SAV1: variants seen among roughly 807,000 people sequenced by gnomAD.
The protein encoded by SAV1 is protein salvador homolog 1.
A neutral mutation model predicts 47.3 loss-of-function variants in SAV1; 23 were observed. The ratio of observed to expected loss-of-function variants is 0.49; its 90% CI spans 0.35 to 0.69. The LOEUF (loss-of-function observed/expected upper bound fraction) is 0.69. SAV1 is among the 30% of genes least tolerant of loss of function. The pLI, the probability that SAV1 is intolerant of heterozygous loss-of-function variation, is 0.01. For missense variants in SAV1, 448 were observed against 457.4 expected (o/e 0.98, Z 0.19); for synonymous variants, 155 against 159.2 (o/e 0.97, Z 0.20).
chr14:50,637,663 A>ATTTTTTTTTTT (rs771403561), intron 4 of SAV1: 3 of 128,774 alleles, frequency 2.3e-5, no homozygotes, highest in African/African-American at 6.8e-5. Flanking sequence ...CAATTTTGTC[A>ATTTTTTTTTTT]GTTTTTTTTT....
At chr14:50,660,324 C>G (rs544132376) in intron 2 of SAV1, among the ~76,000 whole-genome samples, 1 of 152,344 alleles carries the variant, frequency 6.6e-6, no homozygotes, top group Non-Finnish European at 1.5e-5. Context: ...CTTCTCCAGT[C>G]TTGGCGGTGA....
chr14:50,667,433 C>G (rs1454776837), intron 1 of SAV1: 1 of 456,468 alleles, frequency 2.2e-6, no homozygotes, highest in Admixed American at 2.3e-5. Flanking sequence ...CCCCAGAGTT[C>G]GCACAACTTG....
chr14:50,641,510 C>T (rs975694295), intron 3 of SAV1, among the ~76,000 whole-genome samples: 10 of 152,014 alleles, frequency 6.6e-5, no homozygotes, highest in African/African-American at 2.2e-4. Context: ...TAGCTGAACT[C>T]GAAGCGGCCA....
intron 1 of SAV1, 27 bp from the exon 2 acceptor site, chr14:50,665,646 C>T: frequency 1.3e-6 from 2 of 1,524,120 alleles, no homozygotes; most frequent in South Asian, 1.3e-5. Flanking sequence ...GATAAAATTA[C>T]CCTTTCATCA....
intron 1 of SAV1, chr14:50,667,395 C>T: frequency 2.2e-6 from 1 of 455,870 alleles, no homozygotes; most frequent in South Asian, 1.5e-5. Flanking sequence ...CTCAAGTCTG[C>T]ATCCGGCAGC....
At chr14:50,645,848 T>C (rs998742808) in intron 2 of SAV1, among the ~76,000 whole-genome samples, 9 of 152,108 alleles carry the variant, frequency 5.9e-5, no homozygotes, top group African/African-American at 1.9e-4. Context: ...AAGGTCACCA[T>C]ACAAAAATTA....
chr14:50,658,435 C>T (rs140001152), intron 2 of SAV1, among the ~76,000 whole-genome samples: 15 of 152,226 alleles, frequency 9.9e-5, no homozygotes, highest in African/African-American at 3.4e-4. Flanking sequence ...TGGTATGCGG[C>T]CAAGAACATT....
Position 50,665,230 on chromosome 14 carries a change from T to C in SAV1, c.484A>G (p.Asn162Asp), listed in dbSNP as rs751942513. 6.2e-7 allele frequency: 1 copy of C among 1,609,150 alleles called. No homozygotes were observed. Among genetic ancestry groups the C allele is most frequent in the South Asian group, 1.1e-5 (1 of 89,552 alleles). ...GGCATTCTTTGGAAGAGATCATGGT[T>C]GTATTCATAATATCTGTAGTCTTCA... is the stretch of plus-strand genomic sequence containing the variant. The part of the protein sequence containing the change: ...AHEDYRYYEY[N>D]HDLFQRMPQN... Residue 162 changes from asparagine to aspartate, a missense_variant, in exon 2 of 5, where the codon AAC (asparagine) becomes GAC (aspartate). Asn to Asp is a conservative substitution (Grantham distance 23, BLOSUM62 1). Transcript: ENST00000324679.
chr14:50,646,468 C>G (rs1269431841), intron 2 of SAV1, among the ~76,000 whole-genome samples: 1 of 152,102 alleles, frequency 6.6e-6, no homozygotes, highest in Non-Finnish European at 1.5e-5. Context: ...AGCGGATCAC[C>G]TGAGGTCCGG....
chr14:50,640,833 A>C lies in SAV1; in HGVS notation c.867T>G (p.Asn289Lys). 6.2e-7 allele frequency: 1 copy of C among 1,613,894 alleles called. No individual in the cohort carries two copies. The highest frequency in any genetic ancestry group is 8.5e-7 in the Non-Finnish European group (1 of 1,179,876). ...VTYQPQQTER[N>K]QSLLVPANPY... ...GATTTGCAGGTACCAGAAGGGACTG[A>C]TTTCTTTCAGTTTGCTGTGGCTGGT... The change falls in exon 4 of 5, where the codon AAT (asparagine) becomes AAG (lysine). Residue 289 changes from asparagine to lysine, a missense_variant. Asn to Lys is a moderately conservative substitution (Grantham distance 94). Transcript: ENST00000324679.
intron 2 of SAV1, among the ~76,000 whole-genome samples, chr14:50,659,507 C>A (rs771364311): frequency 2.0e-4 from 31 of 152,350 alleles, no homozygotes; most frequent in Non-Finnish European, 4.0e-4. Context: ...CCTGTGGCAG[C>A]CCCTGGGCAG....
At chr14:50,658,711 G>A (rs375151488) in intron 2 of SAV1, among the ~76,000 whole-genome samples, 55 of 152,170 alleles carry the variant, frequency 3.6e-4, no homozygotes, top group African/African-American at 1.3e-3. Context: ...TAGATCTATC[G>A]CACAAACCTA....
intron 2 of SAV1, among the ~76,000 whole-genome samples, chr14:50,654,759 T>C (rs913724313): frequency 3.3e-5 from 5 of 152,132 alleles, no homozygotes; most frequent in Non-Finnish European, 5.9e-5. Context: ...AAACCAATAA[T>C]AGATAAAAGG....
Position 50,640,884 on chromosome 14 carries a change from C to A in SAV1, c.816G>T (p.Arg272=). 1 of 1,606,728 alleles carries A rather than the reference C, an allele frequency of 6.2e-7. No individual in the cohort carries two copies. Among genetic ancestry groups the A allele is most frequent in the Non-Finnish European group, 8.5e-7 (1 of 1,176,674 alleles). The change falls in exon 4 of 5, where the codon CGG becomes CGT. Residue 272 remains arginine, a synonymous_variant. Transcript: ENST00000324679. ...YRHPCAPSVP[R]YDQPPPVTYQ... ...ATGTGACAGGAGGTGGTTGATCATA[C>A]CGAGGTACACTAAGAAGAAAGGAGT...
At chr14:50,658,815 T>C (rs1489217449) in intron 2 of SAV1, among the ~76,000 whole-genome samples, 3 of 152,216 alleles carry the variant, frequency 2.0e-5, no homozygotes, top group African/African-American at 7.2e-5. Context: ...TTTTAAGTCT[T>C]CTCAAGGTGA....
In SAV1 at chr14:50,663,728, CTCT is replaced by C. The variant is rs552505382; in HGVS notation, c.535+1448_535+1450del. ...CTGGTACCCACTGGTACCTGCAATC[CTCT>C]TTTCTCTAGGAATCTACCCTTAATT... On this transcript the variant is annotated intron_variant, in intron 2 of 4. Transcript: ENST00000324679. 2.4e-3 allele frequency among the ~76,000 whole-genome samples: 361 copies of C among 152,154 alleles called. 1 individual carries two copies. Among genetic ancestry groups the C allele is most frequent in the South Asian group, 7.5e-3 (36 of 4,828 alleles).
chr14:50,653,290 T>C (rs1034450733), intron 2 of SAV1, among the ~76,000 whole-genome samples: 17 of 152,176 alleles, frequency 1.1e-4, no homozygotes, highest in Non-Finnish European at 5.9e-5. Flanking sequence ...ATGGTTACTT[T>C]TGTAGGTGGC....
chr14:50,661,104 T>C (rs190958143), intron 2 of SAV1, among the ~76,000 whole-genome samples: 4 of 152,380 alleles, frequency 2.6e-5, no homozygotes, highest in Admixed American at 6.5e-5. Flanking sequence ...TTGCCTTTTC[T>C]TCACACTCTC....
Position 50,634,611 on chromosome 14 carries a change from A to G in SAV1, c.*572T>C, listed in dbSNP as rs1296710811. The G allele has an allele frequency of 3.2e-5, 5 of 157,422 alleles. No individual in the cohort carries two copies. Among genetic ancestry groups the G allele is most frequent in the Admixed American group, 1.3e-4 (2 of 15,928 alleles). The allele number at this position is 157,422 out of a possible 1,614,324, so 9.8% of individuals were successfully genotyped here. ...AGCGGTCCACCCACCTCGGCCTCCC[A>G]AAATGCTGGGATTACAGGAGTGAGC... On this transcript the variant is annotated 3_prime_UTR_variant, in exon 5 of 5. Transcript: ENST00000324679.
Sources: allele counts gnomAD v4.1 joint callset (sites outside exome capture counted in the v4.1 genomes callset), GRCh38; gene constraint gnomAD v4.1.1; transcripts MANE v1.5; gene names NCBI Gene and HGNC (gene_info 2026-07-23, HGNC 2026-07-21).